Variants in SYNPO observed in about 807,000 individuals in gnomAD.
The protein encoded by SYNPO is synaptopodin.
A neutral mutation model predicts 49.5 loss-of-function variants in SYNPO; 19 were observed. The ratio of observed to expected loss-of-function variants is 0.38; its 90% CI spans 0.27 to 0.56. SYNPO has a LOEUF of 0.56. Among genes scored for constraint, SYNPO ranks in the 20% least tolerant of loss-of-function variants. SYNPO has a pLI of 0.68. For synonymous variants in SYNPO, 536 were observed against 548.0 expected (o/e 0.98, Z 0.31); for missense variants, 1,131 against 1,248.3 (o/e 0.91, Z 1.42).
intron 1 of SYNPO, among the ~76,000 whole-genome samples, chr5:150,602,697 C>T (rs1391651227): frequency 6.6e-6 from 1 of 152,042 alleles, no homozygotes; most frequent in Non-Finnish European, 1.5e-5. Flanking sequence ...CATAACTCTT[C>T]CAGCTGTTTT....
intron 1 of SYNPO, among the ~76,000 whole-genome samples, chr5:150,616,280 T>C (rs1301536352): frequency 6.6e-6 from 1 of 152,196 alleles, no homozygotes; most frequent in African/African-American, 2.4e-5. Flanking sequence ...CTGAGGTCAG[T>C]CCAGGTCCTC....
At chr5:150,591,072 G>A in the SYNPO span, among the ~76,000 whole-genome samples, 1 of 152,282 alleles carries the variant, frequency 6.6e-6, no homozygotes, top group South Asian at 2.1e-4. Context: ...GCCTGGGATG[G>A]GGGCACTAAT....
chr5:150,624,757 G>T, intron 2 of SYNPO: 1 of 773,876 alleles, frequency 1.3e-6, no homozygotes, highest in Non-Finnish European at 1.6e-6. Flanking sequence ...TGGCGGTGGC[G>T]GCGGCGAGGA....
Position 150,649,138 on chromosome 5 carries a change from T to A in SYNPO, c.863T>A (p.Ile288Lys). ...PDRSPRPQRH[I>K]MSRSPMVERR... ...AGGAGCCCCCGGCCACAGAGACACA[T>A]AATGTCCCGCAGCCCCATGGTGGAA... is the stretch of plus-strand genomic sequence containing the variant. The change falls in exon 2 of 3, where the codon ATA (isoleucine) becomes AAA (lysine). Residue 288 changes from isoleucine (I) to lysine (K), a missense_variant. Coordinates refer to ENST00000307662, the MANE Select transcript of SYNPO (RefSeq NM_007286.6). 6.2e-7 allele frequency: 1 copy of A among 1,613,912 alleles called. No individual in the cohort carries two copies. The highest frequency in any genetic ancestry group is 8.5e-7 in the Non-Finnish European group (1 of 1,179,958).
intron 1 of SYNPO, among the ~76,000 whole-genome samples, chr5:150,643,791 C>T (rs1581502247): frequency 6.6e-6 from 1 of 152,120 alleles, no homozygotes. Context: ...CCTTGGCCCC[C>T]CAAAATGCTA....
chr5:150,620,080 T>C (rs1390826759), intron 2 of SYNPO, among the ~76,000 whole-genome samples: 19 of 152,178 alleles, frequency 1.2e-4, no homozygotes, highest in Non-Finnish European at 2.4e-4. Context: ...ACATAGATGC[T>C]TTCTAGACTG....
the SYNPO span, among the ~76,000 whole-genome samples, chr5:150,587,091 T>C: frequency 6.6e-6 from 1 of 152,068 alleles, no homozygotes; most frequent in African/African-American, 2.4e-5. Context: ...TGGATGAATA[T>C]ATGGATACAT....
chr5:150,627,451 A>G (rs1182755209), intron 2 of SYNPO, among the ~76,000 whole-genome samples: 1 of 152,118 alleles, frequency 6.6e-6, no homozygotes, highest in Admixed American at 6.5e-5. Context: ...CTGGCTAGCA[A>G]TGGGTTGGGA....
At chr5:150,595,717 A>T in the SYNPO span, among the ~76,000 whole-genome samples, 1 of 152,234 alleles carries the variant, frequency 6.6e-6, no homozygotes, top group Non-Finnish European at 1.5e-5. Flanking sequence ...CTTCGCGATA[A>T]GGCGCCTAGA....
At chr5:150,597,624 G>A (rs917979560), upstream of SYNPO, among the ~76,000 whole-genome samples, 20 of 152,076 alleles carry the variant, frequency 1.3e-4, no homozygotes, top group African/African-American at 4.8e-4. Context: ...GTGAGCCACT[G>A]TGCCCAGCCA....
At chr5:150,611,818 G>A (rs1445854702) in intron 1 of SYNPO, among the ~76,000 whole-genome samples, 1 of 152,242 alleles carries the variant, frequency 6.6e-6, no homozygotes, top group Admixed American at 6.5e-5. Context: ...CACTGGAAAT[G>A]GGCAAGGCCA....
At chr5:150,597,875 T>G (rs534391987), upstream of SYNPO, among the ~76,000 whole-genome samples, 1 of 152,112 alleles carries the variant, frequency 6.6e-6, no homozygotes, top group Non-Finnish European at 1.5e-5. Context: ...TGACCTCAAG[T>G]GATCGGCCCA....
chr5:150,642,415 G>T (rs183978169), intron 1 of SYNPO, among the ~76,000 whole-genome samples: 58 of 152,320 alleles, frequency 3.8e-4, no homozygotes, highest in African/African-American at 1.3e-3. Flanking sequence ...AGTTTAGGTG[G>T]GGAGGCGGTG....
intron 1 of SYNPO, among the ~76,000 whole-genome samples, chr5:150,612,458 G>A (rs999049843): frequency 3.3e-5 from 5 of 152,096 alleles, no homozygotes; most frequent in Non-Finnish European, 2.9e-5. Context: ...TCTTTCATTC[G>A]TTCATCTTTT....
At chr5:150,589,639 A>C in the SYNPO span, among the ~76,000 whole-genome samples, 1 of 152,226 alleles carries the variant, frequency 6.6e-6, no homozygotes, top group Non-Finnish European at 1.5e-5. Flanking sequence ...ATGTGTCACC[A>C]CATTGTTGCC....
At chr5:150,592,961 G>C in the SYNPO span, among the ~76,000 whole-genome samples, 1 of 152,182 alleles carries the variant, frequency 6.6e-6, no homozygotes, top group African/African-American at 2.4e-5. Flanking sequence ...GGCAGCTTAG[G>C]AAGCTCTTCC....
At chr5:150,618,184 T>A (rs114710798) in exon 2 of SYNPO, 3 of 693,632 alleles carry the variant, frequency 4.3e-6, no homozygotes, top group Non-Finnish European at 2.3e-6. Flanking sequence ...CAGGAAGGAC[T>A]TATCTTTCGT....
chr5:150,629,098 C>T (rs1041379135), intron 2 of SYNPO, among the ~76,000 whole-genome samples: 2 of 152,060 alleles, frequency 1.3e-5, no homozygotes, highest in African/African-American at 2.4e-5. Flanking sequence ...GGCTCACTGC[C>T]GCCTCGACCT....
At chr5:150,638,207 C>T (rs1324029558), upstream of SYNPO, among the ~76,000 whole-genome samples, 2 of 152,168 alleles carry the variant, frequency 1.3e-5, no homozygotes, top group Non-Finnish European at 2.9e-5. Flanking sequence ...CATATGTCAC[C>T]TCCTCCAGGA....
Sources: gnomAD v4.1 joint callset for allele counts (sites outside exome capture counted in the v4.1 genomes callset) on GRCh38, gnomAD v4.1.1 for gene constraint, MANE v1.5 for transcripts, NCBI Gene and HGNC (gene_info 2026-07-23, HGNC 2026-07-21) for gene names.